Variants in ESCO2 observed in about 807,000 individuals in gnomAD.
ESCO2 encodes establishment of sister chromatid cohesion N-acetyltransferase 2.
In ESCO2, 51 loss-of-function variants were observed where a neutral mutation model predicts 61.7. That is an observed-to-expected ratio of 0.83 (90% CI 0.66 to 1.04). ESCO2 has a LOEUF of 1.04. Among genes scored for constraint, ESCO2 ranks in the 50% least tolerant of loss-of-function variants. The probability of loss-of-function intolerance (pLI) is 0.00; values close to 1 mark genes in which losing one functional copy is unlikely to be tolerated. For missense variants in ESCO2, 692 were observed against 686.2 expected (o/e 1.01, Z -0.09); for synonymous variants, 230 against 238.2 (o/e 0.97, Z 0.32).
Position 27,792,013 on chromosome 8 carries a change from G to A in ESCO2, c.1314G>A (p.Val438=), listed in dbSNP as rs1362438428. 1 of 1,613,954 alleles carries A rather than the reference G, an allele frequency of 6.2e-7. No individual in the cohort carries two copies. The highest frequency in any genetic ancestry group is 1.3e-5 in the African/African-American group (1 of 74,896). The change falls in exon 8 of 11, where the codon GTG becomes GTA. Residue 438 remains valine (V), a synonymous_variant. Transcript: ENST00000305188. ...CAGAGTTTTGGGATGGGAAAATCGT[G>A]TTGGTTCTGCCACATGATCCAAGCT... ...VVAEFWDGKI[V]LVLPHDPSFA...
chr8:27,818,548 T>C, the ESCO2 span, among the ~76,000 whole-genome samples: 1 of 152,196 alleles, frequency 6.6e-6, no homozygotes, highest in African/African-American at 2.4e-5. Flanking sequence ...AGTAAGAACA[T>C]TACATATATA....
chr8:27,775,607 C>T (rs1394749171), intron 2 of ESCO2, 40 bp downstream of exon 2: 2 of 1,603,922 alleles, frequency 1.2e-6, no homozygotes, highest in African/African-American at 2.7e-5. Flanking sequence ...TAGAAAAATC[C>T]ACCTTCTTGT....
At chr8:27,792,966 T>C (rs1805211696) in intron 9 of ESCO2, among the ~76,000 whole-genome samples, 155 bp downstream of exon 9, 1 of 152,210 alleles carries the variant, frequency 6.6e-6, no homozygotes, top group African/African-American at 2.4e-5. Flanking sequence ...TTTATTTCCA[T>C]TAATATTTGG....
chr8:27,806,786 T>G (rs184877350), downstream of ESCO2, among the ~76,000 whole-genome samples: 244 of 152,202 alleles, frequency 1.6e-3, 1 homozygote, highest in East Asian at 0.043. Flanking sequence ...CCAGCTAATT[T>G]TGTATTTTTA....
chr8:27,785,878 C>A lies in ESCO2; in HGVS notation c.1013+1821C>A, dbSNP rs56064118. ...TTTTTGGTTTTTAAAATTCAATGAA[C>A]ATTTAGAGAGTATCACATGCTATTG... On this transcript the variant is annotated intron_variant, in intron 5 of 10. Transcript: ENST00000305188. 7.7e-3 allele frequency among the ~76,000 whole-genome samples: 1,178 copies of A among 152,222 alleles called. 12 individuals carry two copies. Among genetic ancestry groups the A allele is most frequent in the African/African-American group, 0.026 (1,089 of 41,530 alleles).
intron 1 of ESCO2, 114 bp from the exon 2 acceptor site, chr8:27,775,385 C>A: frequency 1.1e-6 from 1 of 934,012 alleles, no homozygotes; most frequent in Non-Finnish European, 1.8e-6. Context: ...CGAGGAAGAC[C>A]TCCCAGAAAA....
intron 4 of ESCO2, among the ~76,000 whole-genome samples, chr8:27,782,371 C>T (rs923155882): frequency 2.0e-5 from 3 of 152,178 alleles, no homozygotes; most frequent in African/African-American, 7.2e-5. Context: ...TAGCGATTCT[C>T]TTACCTCAGC....
intron 9 of ESCO2, among the ~76,000 whole-genome samples, chr8:27,795,701 G>A (rs1177192230): frequency 6.6e-6 from 1 of 152,096 alleles, no homozygotes; most frequent in Non-Finnish European, 1.5e-5. Context: ...CTAATTTGTT[G>A]AGAGTTCTTA....
In ESCO2 at chr8:27,780,218, T is replaced by TA. The variant is rs797045566; in HGVS notation, c.911dup (p.Asn304LysfsTer2). 17 of 1,612,354 alleles carry TA rather than the reference T, an allele frequency of 1.1e-5. No individual in the cohort carries two copies. The highest frequency in any genetic ancestry group is 1.4e-5 in the Non-Finnish European group (17 of 1,179,044). ...TTTCTTCAAAGGAACATAAAGTTGA[T>TA]AAAAATGAGGCTTTTTCTTCAGAGG... On this transcript the variant is annotated frameshift_variant, in exon 4 of 11. Coordinates refer to ENST00000305188, the MANE Select transcript of ESCO2 (RefSeq NM_001017420.3). LOFTEE classifies it high-confidence loss of function.
Position 27,804,353 on chromosome 8 carries a change from A to G in ESCO2, c.*915A>G, listed in dbSNP as rs867627204. 1.6e-4 allele frequency: 160 copies of G among 985,422 alleles called. No homozygotes were observed. The highest frequency in any genetic ancestry group is 1.6e-3 in the Middle Eastern group (3 of 1,914). 61.0% of individuals were successfully genotyped at this position (985,422 alleles called of 1,614,324 possible). On this transcript the variant is annotated 3_prime_UTR_variant, in exon 11 of 11. Transcript: ENST00000305188. Reference sequence around the variant, plus strand: ...AATTGATGTCATTAACAAAATGCCTAGTTGGATTAGATGTTTTCATTTTCT... The same window carrying G: ...AATTGATGTCATTAACAAAATGCCTGGTTGGATTAGATGTTTTCATTTTCT...
At chr8:27,802,628 A>AAC (rs1744046149) in intron 10 of ESCO2, among the ~76,000 whole-genome samples, 1 of 60,376 alleles carries the variant, frequency 1.7e-5, no homozygotes, top group African/African-American at 7.4e-5. Context: ...AAAAAAAAAA[A>AAC]AAATATATAT....
At chr8:27,772,117 C>A, upstream of ESCO2, 1 of 231,024 alleles carries the variant, frequency 4.3e-6, no homozygotes, top group Non-Finnish European at 8.5e-6. Flanking sequence ...TGTCTCCTTT[C>A]TCACAGGGGA....
At position 27,799,711 on chromosome 8, in the gene ESCO2, C is replaced by G; in HGVS notation, c.1668C>G (p.Thr556=). 1.2e-6 allele frequency: 2 copies of G among 1,613,558 alleles called. No homozygotes were observed. The highest frequency in any genetic ancestry group is 2.2e-5 in the South Asian group (2 of 91,038). Reference sequence around the variant, plus strand: ...GCATTGCAAGACGACTGGTTGATACCCTCAGGTAAGAAATAAAATGGATCT... The same window carrying G: ...GCATTGCAAGACGACTGGTTGATACGCTCAGGTAAGAAATAAAATGGATCT... ...RKRIARRLVD[T]LRNCFMFGCF... Residue 556 remains threonine, a synonymous_variant, in exon 10 of 11, where the codon ACC becomes ACG. Coordinates refer to ENST00000305188, the MANE Select transcript of ESCO2 (RefSeq NM_001017420.3).
the ESCO2 span, among the ~76,000 whole-genome samples, chr8:27,819,117 T>C: frequency 4.6e-5 from 7 of 152,196 alleles, no homozygotes; most frequent in Admixed American, 4.6e-4. Flanking sequence ...TAAAACTTTT[T>C]ATCTGCTCAG....
At chr8:27,790,919 G>C (rs751137740) in intron 7 of ESCO2, among the ~76,000 whole-genome samples, 4 of 152,120 alleles carry the variant, frequency 2.6e-5, no homozygotes, top group Non-Finnish European at 5.9e-5. Context: ...TATAAATGTA[G>C]CTTCATACTG....
chr8:27,797,942 A>T (rs1805337932), intron 9 of ESCO2, among the ~76,000 whole-genome samples: 1 of 152,302 alleles, frequency 6.6e-6, no homozygotes, highest in African/African-American at 2.4e-5. Context: ...AATAGGCAAG[A>T]TGTAGCTAAC....
At chr8:27,802,946 C>T (rs772124320) in intron 10 of ESCO2, among the ~76,000 whole-genome samples, 19 of 151,610 alleles carry the variant, frequency 1.3e-4, no homozygotes, top group East Asian at 5.9e-4. Context: ...AGGGTTTCAC[C>T]GTGTTAGGAT....
chr8:27,819,246 T>C, the ESCO2 span, among the ~76,000 whole-genome samples: 1 of 152,162 alleles, frequency 6.6e-6, no homozygotes, highest in Admixed American at 6.5e-5. Context: ...TAAGATTATG[T>C]AGAATTTATA....
chr8:27,779,972 G>C (rs533035431), intron 3 of ESCO2: 1 of 510,464 alleles, frequency 2.0e-6, no homozygotes, highest in East Asian at 3.7e-5. Context: ...GCTGTACTCT[G>C]GCTTTAAAGG....
Sources: gnomAD v4.1 joint callset for allele counts (sites outside exome capture counted in the v4.1 genomes callset) on GRCh38, gnomAD v4.1.1 for gene constraint, MANE v1.5 for transcripts, NCBI Gene and HGNC (gene_info 2026-07-23, HGNC 2026-07-21) for gene names.